The following LRRC8B variants were observed in gnomAD, a reference collection of about 807,000 sequenced individuals.
LRRC8B encodes the protein volume-regulated anion channel subunit LRRC8B.
A neutral mutation model predicts 58.8 loss-of-function variants in LRRC8B; 23 were observed. The ratio of observed to expected loss-of-function variants is 0.39; its 90% CI spans 0.28 to 0.55. The LOEUF (loss-of-function observed/expected upper bound fraction) is 0.55. Among genes scored for constraint, LRRC8B ranks in the 20% least tolerant of loss-of-function variants. The probability of loss-of-function intolerance (pLI) is 0.62; values close to 1 mark genes in which losing one functional copy is unlikely to be tolerated. For synonymous variants in LRRC8B, 359 were observed against 374.1 expected, an observed-to-expected ratio of 0.96 and a Z score of 0.47; for missense variants, 694 against 936.0, an observed-to-expected ratio of 0.74 and a Z score of 3.37.
intron 1 of LRRC8B, among the ~76,000 whole-genome samples, chr1:89,530,898 T>G (rs925318131): frequency 6.6e-6 from 1 of 151,920 alleles, no homozygotes; most frequent in African/African-American, 2.4e-5. Context: ...TTAGGGGAGT[T>G]TGTGGGGAAA....
At chr1:89,525,534 C>T (rs1649617635) in intron 1 of LRRC8B, among the ~76,000 whole-genome samples, 1 of 152,186 alleles carries the variant, frequency 6.6e-6, no homozygotes, top group Non-Finnish European at 1.5e-5. Context: ...CTGTTGGATA[C>T]GCGTTGGTTG....
chr1:89,568,187 G>A (rs1159947662), intron 1 of LRRC8B, 60 bp from the exon 2 acceptor site: 1 of 152,036 alleles, frequency 6.6e-6, no homozygotes, highest in African/African-American at 2.4e-5. Context: ...TGCCTTATAA[G>A]CTACTGTTGT....
intron 1 of LRRC8B, among the ~76,000 whole-genome samples, chr1:89,543,822 C>CTG (rs1353011242): frequency 1.3e-5 from 2 of 151,436 alleles, no homozygotes; most frequent in Admixed American, 1.3e-4. Flanking sequence ...GGGTCTTGCT[C>CTG]TGTTGCCCAG....
intron 3 of LRRC8B, among the ~76,000 whole-genome samples, chr1:89,578,178 A>G (rs1653983885): frequency 6.6e-6 from 1 of 152,180 alleles, no homozygotes; most frequent in African/African-American, 2.4e-5. Flanking sequence ...GTAGAAAAAC[A>G]GATGTTAAAT....
At chr1:89,548,849 T>A (rs1056883274) in intron 1 of LRRC8B, among the ~76,000 whole-genome samples, 1 of 152,190 alleles carries the variant, frequency 6.6e-6, no homozygotes, top group Admixed American at 6.5e-5. Flanking sequence ...ACCAATACCC[T>A]TCAGGGCTCT....
intron 1 of LRRC8B, among the ~76,000 whole-genome samples, chr1:89,557,233 C>T (rs998617937): frequency 7.2e-5 from 11 of 151,976 alleles, no homozygotes; most frequent in African/African-American, 2.7e-4. Flanking sequence ...TTCTTTTTGA[C>T]TTCACAGTAG....
At chr1:89,541,555 C>CA (rs1650975994) in intron 1 of LRRC8B, among the ~76,000 whole-genome samples, 1 of 150,580 alleles carries the variant, frequency 6.6e-6, no homozygotes, top group African/African-American at 2.5e-5. Context: ...ACTAAAAATA[C>CA]AAAACATTAG....
chr1:89,577,612 T>C (rs536549247), intron 3 of LRRC8B, among the ~76,000 whole-genome samples: 100 of 152,334 alleles, frequency 6.6e-4, no homozygotes, highest in African/African-American at 2.1e-3. Context: ...TTAAACTCTC[T>C]AGTTAAGCAC....
chr1:89,589,900 G>A (rs1298270806), intron 5 of LRRC8B, among the ~76,000 whole-genome samples: 3 of 146,006 alleles, frequency 2.1e-5, no homozygotes, highest in Non-Finnish European at 3.1e-5. Context: ...CCTGTTCTCG[G>A]GGACTTCAAT....
Position 89,593,099 on chromosome 1 carries a change from G to C in LRRC8B, c.*56G>C, listed in dbSNP as rs1655096599. The stretch of plus-strand genomic sequence containing the variant: ...CATTTTTAAAAGTATGCTCGGCCGG[G>C]CGTGGTGGCTCATGCCTATAATCCC... On this transcript the variant is annotated 3_prime_UTR_variant, in exon 6 of 6. Coordinates refer to ENST00000330947, the MANE Select transcript of LRRC8B (RefSeq NM_001369817.2). The C allele has an allele frequency of 4.5e-6, 7 of 1,560,900 alleles. No homozygotes were observed. Among genetic ancestry groups the C allele is most frequent in the African/African-American group, 1.4e-5 (1 of 73,660 alleles).
At chr1:89,525,788 A>G (rs1200274077) in intron 1 of LRRC8B, among the ~76,000 whole-genome samples, 1 of 152,172 alleles carries the variant, frequency 6.6e-6, no homozygotes, top group Non-Finnish European at 1.5e-5. Flanking sequence ...TGTGGTCAAA[A>G]AGACACCCCT....
chr1:89,581,248 G>C (rs911329653), intron 4 of LRRC8B, among the ~76,000 whole-genome samples: 1 of 130,550 alleles, frequency 7.7e-6, no homozygotes, highest in African/African-American at 2.9e-5. Flanking sequence ...TCAGTGAGCT[G>C]AGATCACGCC....
At chr1:89,541,710 CAAAAAAAAAAAAAAAAAA>C (rs61714771) in intron 1 of LRRC8B, among the ~76,000 whole-genome samples, 23 of 42,228 alleles carry the variant, frequency 5.4e-4, no homozygotes, top group African/African-American at 2.1e-3. Flanking sequence ...GACTCCGTCT[CAAAAAAAAAAAAAAAAAA>C]AAAAAAAAAA....
chr1:89,584,871 T>A, intron 5 of LRRC8B, 82 bp downstream of exon 5: 1 of 992,728 alleles, frequency 1.0e-6, no homozygotes, highest in Non-Finnish European at 1.5e-6. Context: ...ACACTTCAAA[T>A]CATACTGTGT....
chr1:89,566,833 G>C (rs775369800), intron 1 of LRRC8B, among the ~76,000 whole-genome samples: 4 of 152,182 alleles, frequency 2.6e-5, no homozygotes, highest in Non-Finnish European at 5.9e-5. Flanking sequence ...CTTGGGAGCC[G>C]TTCCTTATAT....
At chr1:89,550,289 TCTC>T (rs1397528547) in intron 1 of LRRC8B, among the ~76,000 whole-genome samples, 3 of 152,206 alleles carry the variant, frequency 2.0e-5, no homozygotes, top group Non-Finnish European at 4.4e-5. Context: ...TCTATCCTGA[TCTC>T]CTCCCTATGT....
intron 1 of LRRC8B, among the ~76,000 whole-genome samples, chr1:89,551,064 T>C (rs984702745): frequency 2.0e-5 from 3 of 152,158 alleles, no homozygotes; most frequent in African/African-American, 7.2e-5. Context: ...CGTCCCCCTC[T>C]GGCCGTGAAG....
In LRRC8B at chr1:89,582,907, C is replaced by A. The variant is rs1448967488; in HGVS notation, c.257C>A (p.Pro86Gln). The change falls in exon 5 of 6, where the codon CCG becomes CAG. Residue 86 changes from proline to glutamine, a missense_variant. This residue lies in a region of LRRC8B where 316 missense variants were observed against 403.8 expected (regional missense o/e 0.78). Transcript: ENST00000330947. The part of the protein sequence containing the change: ...SMNTSSNPGT[P>Q]LPLPLRIQND... ...AACACATCCTCTAATCCTGGGACAC[C>A]GCTTCCGCTCCCCCTCCGAATTCAG... is the stretch of plus-strand genomic sequence containing the variant. 2 of 1,614,202 alleles carry A rather than the reference C, an allele frequency of 1.2e-6. No homozygotes were observed. Among genetic ancestry groups the A allele is most frequent in the African/African-American group, 1.3e-5 (1 of 75,046 alleles).
intron 1 of LRRC8B, among the ~76,000 whole-genome samples, chr1:89,554,581 T>A (rs976620438): frequency 2.6e-5 from 4 of 152,150 alleles, no homozygotes; most frequent in African/African-American, 9.7e-5. Flanking sequence ...GATTGTCGAG[T>A]ACACCTAGTG....
Sources: allele counts gnomAD v4.1 joint callset (sites outside exome capture counted in the v4.1 genomes callset), GRCh38; gene constraint gnomAD v4.1.1; regional missense constraint gnomAD v4.1.1; transcripts MANE v1.5; gene names NCBI Gene and HGNC (gene_info 2026-07-23, HGNC 2026-07-21).